The following ARID1B variants were observed in gnomAD, a reference collection of about 807,000 sequenced individuals.
The protein encoded by ARID1B is AT-rich interactive domain-containing protein 1B.
Under a neutral mutation model 212.3 loss-of-function variants are expected in ARID1B, and 30 were observed. The ratio of observed to expected loss-of-function variants is 0.14; its 90% CI spans 0.11 to 0.19. The LOEUF (loss-of-function observed/expected upper bound fraction) is 0.19, where lower values mean the gene tolerates loss of function less well. Ranked by LOEUF, ARID1B falls within the 10% of genes least tolerant of loss-of-function variation. ARID1B has a pLI of 1.00. For synonymous variants in ARID1B, 1,402 were observed against 1,301.7 expected, an observed-to-expected ratio of 1.08 and a Z score of -1.66; for missense variants, 2,891 against 3,204.0, an observed-to-expected ratio of 0.90 and a Z score of 2.36.
chr6:157,093,379 G>A (rs1306441107), intron 5 of ARID1B, among the ~76,000 whole-genome samples: 2 of 152,156 alleles, frequency 1.3e-5, no homozygotes, highest in African/African-American at 2.4e-5. Flanking sequence ...ATTATGATGT[G>A]TTGATTGATT....
intron 4 of ARID1B, among the ~76,000 whole-genome samples, chr6:157,036,164 A>G (rs1243807437): frequency 6.6e-6 from 1 of 152,224 alleles, no homozygotes; most frequent in Non-Finnish European, 1.5e-5. Flanking sequence ...TACACACGAC[A>G]CTGAATAATT....
At position 156,834,769 on chromosome 6, in the gene ARID1B, C is replaced by T. The variant is rs542414719; in HGVS notation, c.1986+5348C>T. ...CAGATTTTTATAAATAATGGCCTTT[C>T]GTTGGCCACATTTTGTCATGGTTTC... On this transcript the variant is annotated intron_variant, in intron 2 of 19. Transcript: ENST00000636930. 3.9e-5 allele frequency among the ~76,000 whole-genome samples: 6 copies of T among 152,264 alleles called. No homozygotes were observed. In the South Asian group the frequency reaches 1.0e-3, roughly 26 times the overall value.
At chr6:156,997,116 A>G (rs539295484) in intron 4 of ARID1B, among the ~76,000 whole-genome samples, 1 of 152,322 alleles carries the variant, frequency 6.6e-6, no homozygotes, top group East Asian at 1.9e-4. Flanking sequence ...CCGTGAATGG[A>G]TGTGGTCTAT....
At chr6:157,105,734 T>A (rs932502363) in intron 5 of ARID1B, among the ~76,000 whole-genome samples, 2 of 152,130 alleles carry the variant, frequency 1.3e-5, no homozygotes, top group Non-Finnish European at 2.9e-5. Context: ...CCCCAGTAGC[T>A]GTGGTTACAG....
At chr6:156,872,466 C>T (rs1224145154) in intron 2 of ARID1B, among the ~76,000 whole-genome samples, 1 of 152,086 alleles carries the variant, frequency 6.6e-6, no homozygotes, top group Non-Finnish European at 1.5e-5. Flanking sequence ...GGATTACAGG[C>T]GCGCACCACC....
chr6:157,145,831 C>T (rs779304337), intron 7 of ARID1B, among the ~76,000 whole-genome samples: 43 of 152,250 alleles, frequency 2.8e-4, no homozygotes, highest in Non-Finnish European at 4.3e-4. Context: ...TTAGGCTCCT[C>T]GTCTTCAGCA....
chr6:157,188,620 G>A (rs765613891), intron 13 of ARID1B, among the ~76,000 whole-genome samples: 3 of 152,168 alleles, frequency 2.0e-5, no homozygotes, highest in Admixed American at 6.5e-5. Context: ...CCATTTGTTC[G>A]GGGGGTTCTG....
chr6:156,959,925 CTTTTTTTTTT>C (rs138881152), intron 4 of ARID1B, among the ~76,000 whole-genome samples: 1 of 122,576 alleles, frequency 8.2e-6, no homozygotes. Context: ...TTGTCAGCTT[CTTTTTTTTTT>C]TTTTTTTTTT....
chr6:156,928,241 T>A (rs1228477495), intron 3 of ARID1B, among the ~76,000 whole-genome samples: 1 of 152,192 alleles, frequency 6.6e-6, no homozygotes, highest in Non-Finnish European at 1.5e-5. Context: ...GGGAGGCATT[T>A]TCTGAGCACT....
At chr6:156,897,870 A>G (rs994105994) in intron 2 of ARID1B, among the ~76,000 whole-genome samples, 2 of 152,256 alleles carry the variant, frequency 1.3e-5, no homozygotes, top group Middle Eastern at 3.4e-3. Context: ...TTGATTCGTT[A>G]AAATTTTTCA....
chr6:157,207,624 C>G lies in ARID1B; in HGVS notation c.6852C>G (p.Ser2284Arg). The G allele has an allele frequency of 6.2e-7, 1 of 1,614,162 alleles. No homozygotes were observed. The highest frequency in any genetic ancestry group is 8.5e-7 in the Non-Finnish European group (1 of 1,180,030). The change falls in exon 20 of 20, where the codon AGC becomes AGG. Residue 2284 changes from serine to arginine, a missense_variant. Ser to Arg is a moderately radical substitution (Grantham distance 110). Around this residue, in one of 7 missense-constraint regions of ARID1B, gnomAD observed 187 missense variants for 306.5 expected, o/e 0.61. Coordinates refer to ENST00000636930, the MANE Select transcript of ARID1B (RefSeq NM_001374828.1). This position sits in a 1 kb window ranked among gnomAD's most constrained non-coding sequence, Gnocchi z 8.5. ...VQKGSIGNLISFLEDGVTMAQ... is the reference protein window; with the variant it reads ...VQKGSIGNLIRFLEDGVTMAQ... ...AAGGAAGCATTGGAAACTTGATAAGCTTCCTAGAGGATGGGGTCACGATGG... is the reference window on the plus strand; with the variant it reads ...AAGGAAGCATTGGAAACTTGATAAGGTTCCTAGAGGATGGGGTCACGATGG...
chr6:156,971,378 A>G (rs1776913518), intron 4 of ARID1B, among the ~76,000 whole-genome samples: 1 of 152,214 alleles, frequency 6.6e-6, no homozygotes, highest in African/African-American at 2.4e-5. Context: ...TAAAATGGGC[A>G]TAATAACATA....
intron 7 of ARID1B, among the ~76,000 whole-genome samples, chr6:157,138,582 G>A (rs138790359): frequency 4.1e-4 from 63 of 152,220 alleles, no homozygotes; most frequent in African/African-American, 1.5e-3. Context: ...CAGATGTGGG[G>A]TCTGTCTGCC....
intron 4 of ARID1B, chr6:157,071,518 C>A (rs1307936222): frequency 6.6e-6 from 1 of 152,178 alleles, no homozygotes; most frequent in Non-Finnish European, 1.5e-5. Context: ...AAAAAAAATA[C>A]AACAACAAAA....
At chr6:157,195,020 A>G (rs1002970561) in intron 15 of ARID1B, 1 of 152,220 alleles carries the variant, frequency 6.6e-6, no homozygotes, top group Non-Finnish European at 1.5e-5. Flanking sequence ...AAACATAATA[A>G]AAATGTTGAA....
At chr6:156,872,250 G>A (rs1373919101) in intron 2 of ARID1B, among the ~76,000 whole-genome samples, 1 of 152,200 alleles carries the variant, frequency 6.6e-6, no homozygotes, top group Non-Finnish European at 1.5e-5. Flanking sequence ...CTGGCACTTA[G>A]TGCTCAATAA....
At chr6:156,980,786 A>G (rs1777557171) in intron 4 of ARID1B, among the ~76,000 whole-genome samples, 2 of 152,198 alleles carry the variant, frequency 1.3e-5, no homozygotes, top group Non-Finnish European at 2.9e-5. Flanking sequence ...GGCAGCTTTC[A>G]ATGTACCCAG....
intron 4 of ARID1B, chr6:156,940,603 G>A (rs1170419070): frequency 6.6e-6 from 1 of 152,244 alleles, no homozygotes; most frequent in Admixed American, 6.5e-5. Context: ...ATTAGCCGCA[G>A]AGCATGCAGC....
At chr6:157,024,786 A>G (rs1338799414) in intron 4 of ARID1B, 1 of 152,142 alleles carries the variant, frequency 6.6e-6, no homozygotes, top group Non-Finnish European at 1.5e-5. Flanking sequence ...ACAAAAAAGA[A>G]AAAAAAACCC....
Sources: allele counts gnomAD v4.1 joint callset (sites outside exome capture counted in the v4.1 genomes callset), GRCh38; gene constraint gnomAD v4.1.1; regional missense constraint gnomAD v4.1.1; non-coding constraint Gnocchi (gnomAD v3.1); transcripts MANE v1.5; gene names NCBI Gene and HGNC (gene_info 2026-07-23, HGNC 2026-07-21).